The following ADCK2 variants were observed in gnomAD, a reference collection of about 807,000 sequenced individuals.
ADCK2 encodes uncharacterized aarF domain-containing protein kinase 2.
Under a neutral mutation model 52.3 loss-of-function variants are expected in ADCK2, and 37 were observed. The observed-to-expected ratio is 0.71, with a 90% confidence interval of 0.54 to 0.93. The LOEUF (loss-of-function observed/expected upper bound fraction) is 0.93, where lower values mean the gene tolerates loss of function less well. Ranked by LOEUF, ADCK2 falls within the 40% of genes least tolerant of loss-of-function variation. ADCK2 has a pLI of 0.00. For missense variants in ADCK2, 695 were observed against 798.7 expected (o/e 0.87, Z 1.56); for synonymous variants, 321 against 349.2 (o/e 0.92, Z 0.90).
Position 140,673,932 on chromosome 7 carries a change from A to C in ADCK2, c.602A>C (p.Glu201Ala). 1.2e-6 allele frequency: 2 copies of C among 1,613,924 alleles called. No individual in the cohort carries two copies. Among genetic ancestry groups the C allele is most frequent in the Non-Finnish European group, 1.7e-6 (2 of 1,180,046 alleles). The change falls in exon 1 of 8, where the codon GAG becomes GCG. Residue 201 changes from glutamate (E) to alanine (A), a missense_variant. Glu to Ala is a moderately radical substitution (Grantham distance 107). Transcript: ENST00000072869. The surrounding 1 kb of genome is among the most constrained non-coding windows in gnomAD (Gnocchi z 6.4). ...GDDWGSILSF[E>A]NREPVGSGCV... ...GACTGGGGGAGCATCCTCTCTTTTG[A>C]GAACCGGGAACCTGTGGGCTCAGGC...
At chr7:140,687,318 A>C in intron 5 of ADCK2, 77 bp downstream of exon 5, 2 of 1,472,748 alleles carry the variant, frequency 1.4e-6, no homozygotes, top group South Asian at 2.8e-5. Context: ...GGTGGCTCAG[A>C]CCTGTAATCC....
At chr7:140,681,238 G>A in intron 4 of ADCK2, 101 bp downstream of exon 4, 1 of 1,058,960 alleles carries the variant, frequency 9.4e-7, no homozygotes, top group South Asian at 1.3e-5. Context: ...GGAGAGCGAA[G>A]CAGCAAGCCG....
At chr7:140,690,039 T>C (rs2047515859) in intron 6 of ADCK2, among the ~76,000 whole-genome samples, 2 of 152,136 alleles carry the variant, frequency 1.3e-5, no homozygotes, top group South Asian at 4.1e-4. Context: ...CCAATGCGCA[T>C]GTCCCTTATT....
rs866013612 is a variant in ADCK2 at position 140,694,516 on chromosome 7, C to T, written c.1741-147C>T. On this transcript the variant is annotated intron_variant, in intron 7 of 7. Coordinates refer to ENST00000072869, the MANE Select transcript of ADCK2 (RefSeq NM_052853.4). ...AGGTGAGATGGTTGGGGAGATGACG[C>T]GGTAGAGAAGAGAATGTCAGGTAGA... 8.3e-5 allele frequency: 61 copies of T among 732,612 alleles called. 1 individual carries two copies. The highest frequency in any genetic ancestry group is 3.9e-4 in the East Asian group (14 of 36,344). 45.4% of individuals were successfully genotyped at this position (732,612 alleles called of 1,614,324 possible). A position where few individuals can be genotyped will look rare whatever the true frequency, so the allele number is the denominator to read the frequency against.
intron 6 of ADCK2, among the ~76,000 whole-genome samples, chr7:140,690,338 G>A (rs991672218): frequency 6.6e-6 from 1 of 152,114 alleles, no homozygotes; most frequent in African/African-American, 2.4e-5. Context: ...GAGTAGCTGG[G>A]ATTACAGGCA....
intron 2 of ADCK2, among the ~76,000 whole-genome samples, chr7:140,675,781 AC>A (rs1794399581): frequency 6.6e-6 from 1 of 152,224 alleles, no homozygotes. Flanking sequence ...AAAGTCACAT[AC>A]TGTGCCTTTG....
rs770012583 is a variant in ADCK2 at position 140,681,124 on chromosome 7, T to C, written c.1292T>C (p.Met431Thr). 1.2e-6 allele frequency: 2 copies of C among 1,614,090 alleles called. No homozygotes were observed. The highest frequency in any genetic ancestry group is 1.7e-6 in the Non-Finnish European group (2 of 1,180,006). ...KRKIARLGIN[M>T]LLKMIFVDNF... ...AAGATTGCACGGCTGGGGATCAACA[T>C]GCTCCTGAAGATGGTGAGCTCATGG... Residue 431 changes from methionine to threonine, a missense_variant, in exon 4 of 8, where the codon ATG becomes ACG. Physicochemically the swap from Met to Thr is moderately conservative, Grantham distance 81 (BLOSUM62 -1). Coordinates refer to ENST00000072869, the MANE Select transcript of ADCK2 (RefSeq NM_052853.4).
chr7:140,680,410 C>T (rs993206195), intron 3 of ADCK2, among the ~76,000 whole-genome samples: 5 of 151,858 alleles, frequency 3.3e-5, no homozygotes, highest in Admixed American at 3.3e-4. Context: ...GCTTTGGTTT[C>T]CAAAAGTGCT....
chr7:140,688,427 C>T (rs535230737), intron 5 of ADCK2, among the ~76,000 whole-genome samples: 66 of 152,288 alleles, frequency 4.3e-4, no homozygotes, highest in African/African-American at 1.2e-3. Flanking sequence ...GTGCCAGAAA[C>T]GAGTGGAGGG....
In ADCK2 at chr7:140,674,072, G is replaced by A. The variant is rs565847198; in HGVS notation, c.742G>A (p.Gly248Ser). ...GCCCTTCTCACATACTGGGGCAGTC[G>A]GTGGGCTGAGAGAGCTCTTTGGATA... is the stretch of plus-strand genomic sequence containing the variant. The part of the protein sequence containing the change: ...LPPFSHTGAV[G>S]GLRELFGYLG... Residue 248 changes from glycine to serine, a missense_variant, in exon 1 of 8, where the codon GGT (glycine) becomes AGT (serine). Gly to Ser is a moderately conservative substitution (Grantham distance 56). Coordinates refer to ENST00000072869, the MANE Select transcript of ADCK2 (RefSeq NM_052853.4). This position sits in a 1 kb window ranked among gnomAD's most constrained non-coding sequence, Gnocchi z 4.6. 1 of 1,614,100 alleles carries A rather than the reference G, an allele frequency of 6.2e-7. No homozygotes were observed. The highest frequency in any genetic ancestry group is 8.5e-7 in the Non-Finnish European group (1 of 1,180,026).
At chr7:140,685,799 CCT>C in intron 4 of ADCK2, among the ~76,000 whole-genome samples, 1 of 152,192 alleles carries the variant, frequency 6.6e-6, no homozygotes. Flanking sequence ...CTTGGTCTCT[CCT>C]CTCATCCCCC....
chr7:140,681,004 G>T, intron 3 of ADCK2, 38 bp from the exon 4 acceptor site: 1 of 1,594,364 alleles, frequency 6.3e-7, no homozygotes, highest in Non-Finnish European at 8.6e-7. Flanking sequence ...TCACAGGCTG[G>T]CTGGGATTAA....
At chr7:140,682,192 A>C (rs1346850335) in intron 4 of ADCK2, among the ~76,000 whole-genome samples, 1 of 152,212 alleles carries the variant, frequency 6.6e-6, no homozygotes, top group Non-Finnish European at 1.5e-5. Flanking sequence ...GGTGACGACT[A>C]AGTAAATGAT....
intron 5 of ADCK2, among the ~76,000 whole-genome samples, chr7:140,688,831 C>T (rs886170956): frequency 3.3e-5 from 5 of 152,162 alleles, no homozygotes; most frequent in Admixed American, 3.3e-4. Context: ...AAAAGGCATT[C>T]GGCAAGGCCT....
chr7:140,676,272 T>C (rs776127561), intron 2 of ADCK2, among the ~76,000 whole-genome samples: 2 of 152,158 alleles, frequency 1.3e-5, no homozygotes, highest in Non-Finnish European at 2.9e-5. Context: ...GATTCATTCA[T>C]GCAGGCTCTG....
intron 2 of ADCK2, among the ~76,000 whole-genome samples, chr7:140,676,834 C>T (rs1222255118): frequency 6.6e-6 from 1 of 152,094 alleles, no homozygotes. Flanking sequence ...TCAGTTTGGG[C>T]AACATGGTGA....
At position 140,672,980 on chromosome 7, in the gene ADCK2, A is replaced by G. The variant is rs1353345965; in HGVS notation, c.-351A>G. 2.0e-5 allele frequency among the ~76,000 whole-genome samples: 3 copies of G among 150,496 alleles called. No homozygotes were observed. The highest frequency in any genetic ancestry group is 4.4e-5 in the Non-Finnish European group (3 of 67,442). ...CGATCTCATACTGGCCCCTGGGCGC[A>G]CGGTGACCCTGCGGCTGCCCGGCCC... On this transcript the variant is annotated 5_prime_UTR_variant, in exon 1 of 8. Coordinates refer to ENST00000072869, the MANE Select transcript of ADCK2 (RefSeq NM_052853.4).
Position 140,674,830 on chromosome 7 carries a change from T to A in ADCK2, c.1080+73T>A. 2 of 1,507,932 alleles carry A rather than the reference T, an allele frequency of 1.3e-6. No individual in the cohort carries two copies. The highest frequency in any genetic ancestry group is 1.8e-6 in the Non-Finnish European group (2 of 1,112,656). 93.4% of individuals were successfully genotyped at this position (1,507,932 alleles called of 1,614,324 possible). On this transcript the variant is annotated intron_variant, in intron 2 of 7. Transcript: ENST00000072869. This position sits in a 1 kb window ranked among gnomAD's most constrained non-coding sequence, Gnocchi z 4.6. ...GCCATTAGCTGCTACTTAGTAAATG[T>A]TGAATGAATAATTTTCTGGTATGTC...
chr7:140,686,937 G>T, intron 4 of ADCK2, 53 bp from the exon 5 acceptor site: 1 of 1,591,482 alleles, frequency 6.3e-7, no homozygotes, highest in Non-Finnish European at 8.6e-7. Flanking sequence ...TTCTCTGTAG[G>T]TTGGTGGTGC....
Sources: allele counts gnomAD v4.1 joint callset (sites outside exome capture counted in the v4.1 genomes callset), GRCh38; gene constraint gnomAD v4.1.1; non-coding constraint Gnocchi (gnomAD v3.1); transcripts MANE v1.5; gene names NCBI Gene and HGNC (gene_info 2026-07-23, HGNC 2026-07-21).